IL1RAP: variants seen among roughly 807,000 people sequenced by gnomAD.
IL1RAP encodes the protein interleukin 1 receptor accessory protein.
IL1RAP carries 35 observed loss-of-function variants against 60.7 expected under a neutral mutation model. That is an observed-to-expected ratio of 0.58 (90% CI 0.44 to 0.76). The LOEUF is 0.76. Ranked by LOEUF, IL1RAP falls within the 30% of genes least tolerant of loss-of-function variation. The pLI, the probability that IL1RAP is intolerant of heterozygous loss-of-function variation, is 0.00. For synonymous variants in IL1RAP, 268 were observed against 250.9 expected (o/e 1.07, Z -0.64); for missense variants, 572 against 693.9 (o/e 0.82, Z 1.97).
chr3:190,549,737 G>C (rs911470584), intron 1 of IL1RAP, among the ~76,000 whole-genome samples: 2 of 152,136 alleles, frequency 1.3e-5, no homozygotes, highest in African/African-American at 2.4e-5. Context: ...ACTGGTTTAA[G>C]GTTTGGGAAA....
chr3:190,566,102 CTCTG>C (rs912660329), intron 3 of IL1RAP, among the ~76,000 whole-genome samples: 3 of 151,924 alleles, frequency 2.0e-5, no homozygotes, highest in Non-Finnish European at 4.4e-5. Flanking sequence ...CCTTCCCTCC[CTCTG>C]TCTTGGATTT....
intron 3 of IL1RAP, among the ~76,000 whole-genome samples, chr3:190,587,420 T>C (rs1728557664): frequency 6.6e-6 from 1 of 152,220 alleles, no homozygotes. Flanking sequence ...TAGAAAACAC[T>C]CACAATTAAG....
chr3:190,628,804 G>A (rs1280150002), intron 8 of IL1RAP, among the ~76,000 whole-genome samples: 1 of 152,104 alleles, frequency 6.6e-6, no homozygotes, highest in African/African-American at 2.4e-5. Context: ...ATACCTACAT[G>A]AATATTTATT....
At chr3:190,654,196 A>T (rs1450190758), downstream of IL1RAP, among the ~76,000 whole-genome samples, 1 of 140,350 alleles carries the variant, frequency 7.1e-6, no homozygotes, top group African/African-American at 3.2e-5. Flanking sequence ...CATATCACAC[A>T]CACACACACA....
intron 3 of IL1RAP, among the ~76,000 whole-genome samples, chr3:190,580,412 A>T (rs1727890562): frequency 6.6e-6 from 1 of 152,206 alleles, no homozygotes; most frequent in Non-Finnish European, 1.5e-5. Context: ...AAACTTCCAT[A>T]GTGTTTTTCC....
intron 4 of IL1RAP, among the ~76,000 whole-genome samples, chr3:190,606,920 G>T (rs1730377647): frequency 6.6e-6 from 1 of 152,006 alleles, no homozygotes; most frequent in South Asian, 2.1e-4. Flanking sequence ...CTAAAAAAAA[G>T]TCGGTTGAAC....
chr3:190,656,194 G>C, downstream of IL1RAP: 2 of 1,537,250 alleles, frequency 1.3e-6, no homozygotes, highest in Non-Finnish European at 1.7e-6. Context: ...AAGTCTGAGT[G>C]CCAGTTCTGG....
At chr3:190,613,704 A>G (rs1366820518) in intron 5 of IL1RAP, among the ~76,000 whole-genome samples, 2 of 151,974 alleles carry the variant, frequency 1.3e-5, no homozygotes, top group African/African-American at 2.4e-5. Flanking sequence ...ATGGTGGCGC[A>G]CACCTGTAGT....
chr3:190,606,950 T>G (rs1730379921), intron 4 of IL1RAP, among the ~76,000 whole-genome samples: 1 of 152,224 alleles, frequency 6.6e-6, no homozygotes, highest in Non-Finnish European at 1.5e-5. Context: ...TCATATTTTT[T>G]AAAATCAGAA....
At chr3:190,654,190 T>TCACAAACA, downstream of IL1RAP, among the ~76,000 whole-genome samples, 1 of 140,512 alleles carries the variant, frequency 7.1e-6, no homozygotes, top group East Asian at 2.1e-4. Context: ...AAACATCATA[T>TCACAAACA]CACACACACA....
At chr3:190,597,276 C>A (rs1007869167) in intron 3 of IL1RAP, among the ~76,000 whole-genome samples, 2 of 152,132 alleles carry the variant, frequency 1.3e-5, no homozygotes, top group African/African-American at 4.8e-5. Context: ...TAAAAAGTGT[C>A]TGGTCTTGAT....
intron 9 of IL1RAP, chr3:190,629,761 G>T: frequency 1.7e-6 from 2 of 1,159,724 alleles, no homozygotes; most frequent in Non-Finnish European, 1.1e-6. Context: ...ACACAATTTT[G>T]TGTCTGTACA....
At chr3:190,609,997 A>C (rs917561229) in intron 5 of IL1RAP, among the ~76,000 whole-genome samples, 3 of 152,318 alleles carry the variant, frequency 2.0e-5, no homozygotes, top group Non-Finnish European at 4.4e-5. Context: ...TTTGCTCTCT[A>C]ATAAGGGGTA....
intron 9 of IL1RAP, among the ~76,000 whole-genome samples, chr3:190,636,171 G>T (rs929284179): frequency 7.9e-5 from 12 of 152,148 alleles, no homozygotes; most frequent in African/African-American, 2.9e-4. Flanking sequence ...ATTTGAAAAA[G>T]ACATATATTT....
chr3:190,606,523 A>C (rs920886505), intron 4 of IL1RAP, among the ~76,000 whole-genome samples: 1 of 152,224 alleles, frequency 6.6e-6, no homozygotes, highest in Non-Finnish European at 1.5e-5. Flanking sequence ...TAGTGCTTCA[A>C]TATCAGTTTT....
At chr3:190,527,826 T>TACACACACACAC (rs10602405) in intron 1 of IL1RAP, among the ~76,000 whole-genome samples, 14 of 139,694 alleles carry the variant, frequency 1.0e-4, no homozygotes, top group African/African-American at 3.7e-4. Flanking sequence ...AGGAAAGGTC[T>TACACACACACAC]ACACACACAC....
intron 7 of IL1RAP, among the ~76,000 whole-genome samples, chr3:190,626,820 C>T (rs1010700289): frequency 9.9e-5 from 15 of 151,760 alleles, no homozygotes; most frequent in Admixed American, 2.0e-4. Context: ...ACAGGCGGTG[C>T]CACCATGCCC....
intron 4 of IL1RAP, among the ~76,000 whole-genome samples, chr3:190,607,070 C>T (rs1417263356): frequency 6.6e-6 from 1 of 152,106 alleles, no homozygotes; most frequent in East Asian, 1.9e-4. Context: ...CTACCACTCC[C>T]CCTTGCCACC....
chr3:190,636,873 C>T (rs1480223166), intron 9 of IL1RAP, among the ~76,000 whole-genome samples: 1 of 151,980 alleles, frequency 6.6e-6, no homozygotes, highest in East Asian at 1.9e-4. Flanking sequence ...ATTTTTATCT[C>T]CTCTAGACTA....
Sources: allele counts gnomAD v4.1 joint callset (sites outside exome capture counted in the v4.1 genomes callset), GRCh38; gene constraint gnomAD v4.1.1; transcripts MANE v1.5; gene names NCBI Gene and HGNC (gene_info 2026-07-23, HGNC 2026-07-21).